The following MAP3K2 variants were observed in gnomAD, a reference collection of about 807,000 sequenced individuals.
MAP3K2 encodes the protein MAP/ERK kinase kinase 2.
A neutral mutation model predicts 80.3 loss-of-function variants in MAP3K2; 24 were observed. The ratio of observed to expected loss-of-function variants is 0.30; its 90% CI spans 0.22 to 0.42. The LOEUF (loss-of-function observed/expected upper bound fraction) is 0.42. Ranked by LOEUF, MAP3K2 falls within the 10% of genes least tolerant of loss-of-function variation. The pLI is 1.00. For missense variants in MAP3K2, 608 were observed against 750.1 expected (o/e 0.81, Z 2.21); for synonymous variants, 244 against 253.7 (o/e 0.96, Z 0.36).
chr2:127,317,082 TGA>T (rs1685922859), intron 14 of MAP3K2: 1 of 150,490 alleles, frequency 6.6e-6, no homozygotes, highest in Non-Finnish European at 1.5e-5. Flanking sequence ...TTCCAGATCC[TGA>T]GAGTGAAGAC....
chr2:127,376,041 A>T (rs1558991249), intron 1 of MAP3K2, among the ~76,000 whole-genome samples: 2 of 152,216 alleles, frequency 1.3e-5, no homozygotes, highest in Non-Finnish European at 2.9e-5. Context: ...TCCTATCAAC[A>T]AAACCTGATG....
intron 12 of MAP3K2, 21 bp from the exon 13 acceptor site, chr2:127,318,338 A>G (rs1685948671): frequency 2.6e-6 from 4 of 1,554,436 alleles, no homozygotes; most frequent in Non-Finnish European, 3.5e-6. Flanking sequence ...ACACTTTCTT[A>G]AAGTGAAATA....
At chr2:127,324,381 C>A in intron 9 of MAP3K2, 140 bp from the exon 10 acceptor site, 2 of 508,216 alleles carry the variant, frequency 3.9e-6, no homozygotes, top group Admixed American at 3.8e-5. Context: ...GGTTAGCATA[C>A]CTAAAAAAGA....
rs1380337103 is a variant in MAP3K2, at chr2:127,330,451, C to G, written c.319G>C (p.Asp107His). 17 of 1,610,190 alleles carry G rather than the reference C, an allele frequency of 1.1e-5. No homozygotes were observed. In the Admixed American group the frequency reaches 2.9e-4, roughly 27 times the overall value. ...DDLDKAVELL[D>H]RSIHMKSLKI... is the part of the protein sequence containing the mutation. ...AGGCTCTTCATATGAATACTACGAT[C>G]CAGCAGTTCCACAGCTTTGTCCAAG... is the stretch of plus-strand genomic sequence containing the variant. The change falls in exon 6 of 17, where the codon GAT (aspartate) becomes CAT (histidine). Residue 107 changes from aspartate to histidine, a missense_variant. Asp to His is a moderately conservative substitution (Grantham distance 81). Around this residue, in one of 4 missense-constraint regions of MAP3K2, gnomAD observed 467 missense variants for 521.9 expected, o/e 0.89. Transcript: ENST00000682094.
chr2:127,316,339 T>G (rs926678601), intron 14 of MAP3K2, among the ~76,000 whole-genome samples: 2 of 152,168 alleles, frequency 1.3e-5, no homozygotes, highest in African/African-American at 4.8e-5. Context: ...GTGCCATTGC[T>G]CAGCCTGGGC....
intron 1 of MAP3K2, among the ~76,000 whole-genome samples, chr2:127,352,740 T>TGATGCCGAGCC (rs1223865280): frequency 6.8e-6 from 1 of 146,698 alleles, no homozygotes; most frequent in African/African-American, 2.5e-5. Context: ...GGTCTCCCTC[T>TGATGCCGAGCC]GATGCCGAGC....
chr2:127,346,410 TAAAAAAAAAAAAA>T (rs70985447), intron 1 of MAP3K2, among the ~76,000 whole-genome samples: 2 of 96,348 alleles, frequency 2.1e-5, no homozygotes, highest in African/African-American at 8.3e-5. Flanking sequence ...AAACTGGTTT[TAAAAAAAAAAAAA>T]AAAAAAAAAG....
intron 1 of MAP3K2, among the ~76,000 whole-genome samples, chr2:127,351,494 A>G (rs1481994841): frequency 6.6e-6 from 1 of 152,160 alleles, no homozygotes; most frequent in African/African-American, 2.4e-5. Flanking sequence ...ATCAAGAAGC[A>G]TCTCTATTTT....
Position 127,343,177 on chromosome 2 carries a change from A to T in MAP3K2, c.-48T>A. The T allele has an allele frequency of 6.6e-7, 1 of 1,504,482 alleles. No homozygotes were observed. Among genetic ancestry groups the T allele is most frequent in the Non-Finnish European group, 9.1e-7 (1 of 1,104,194 alleles). The allele number at this position is 1,504,482 out of a possible 1,614,324, so 93.2% of individuals were successfully genotyped here. Reference sequence around the variant, plus strand: ...TGAAAATTAGGAAAATGGTTCTCCCATCAGCATTCTTTATGGCCTGAGAAG... The same window carrying T: ...TGAAAATTAGGAAAATGGTTCTCCCTTCAGCATTCTTTATGGCCTGAGAAG... On this transcript the variant is annotated 5_prime_UTR_variant, in exon 2 of 17. An upstream start codon of the reference 5' UTR is lost. Transcript: ENST00000682094.
chr2:127,380,955 C>G (rs1473051670), intron 1 of MAP3K2, among the ~76,000 whole-genome samples: 1 of 152,196 alleles, frequency 6.6e-6, no homozygotes, highest in African/African-American at 2.4e-5. Context: ...ATCAGAAATT[C>G]ATTCTTTATT....
intron 1 of MAP3K2, among the ~76,000 whole-genome samples, chr2:127,370,245 C>T (rs1234949181): frequency 6.6e-6 from 1 of 152,200 alleles, no homozygotes; most frequent in East Asian, 1.9e-4. Context: ...CAGCCGCTGA[C>T]TCTTTATACA....
At position 127,323,313 on chromosome 2, in the gene MAP3K2, G is replaced by A. The variant is rs187130061; in HGVS notation, c.838+589C>T. Among the ~76,000 whole-genome samples, 1,053 of 151,950 alleles carry A rather than the reference G, an allele frequency of 6.9e-3. 3 individuals carry two copies. The highest frequency in any genetic ancestry group is 0.014 in the Middle Eastern group (4 of 294). On this transcript the variant is annotated intron_variant, in intron 11 of 16. Transcript: ENST00000682094. Reference sequence around the variant, plus strand: ...GGAGGGTGCAGTGAGCAGAGATCATGCCACTGCACTCCAGCCTGGGTGACA... The same window carrying A: ...GGAGGGTGCAGTGAGCAGAGATCATACCACTGCACTCCAGCCTGGGTGACA...
In MAP3K2 at chr2:127,362,069, C is replaced by G. The variant is rs1306779808; in HGVS notation, c.-65-18875G>C. Among the ~76,000 whole-genome samples, 4 of 152,178 alleles carry G rather than the reference C, an allele frequency of 2.6e-5. No individual in the cohort carries two copies. In the East Asian group the frequency reaches 7.7e-4, roughly 29 times the overall value. On this transcript the variant is annotated intron_variant, in intron 1 of 16. Transcript: ENST00000682094. ...TCTCCTTTTTAAGGTATTACTCAGA[C>G]AATATATTTGTAATTTTTAACAGAT...
rs1574011129 is a variant in MAP3K2, at chr2:127,382,166, G to T, written c.-66+5286C>A. Among the ~76,000 whole-genome samples, 2 of 152,138 alleles carry T rather than the reference G, an allele frequency of 1.3e-5. 1 individual carries two copies. Among genetic ancestry groups the T allele is most frequent in the South Asian group, 4.1e-4 (2 of 4,826 alleles). On this transcript the variant is annotated intron_variant, in intron 1 of 16. Transcript: ENST00000682094. ...TCAGTACGAATGAGATGTAAATATG[G>T]ATATATATTAGAGTATATGAAAGAA...
intron 2 of MAP3K2, among the ~76,000 whole-genome samples, chr2:127,341,530 G>GCT (rs1686488837): frequency 1.1e-5 from 1 of 91,160 alleles, no homozygotes; most frequent in Non-Finnish European, 2.0e-5. Flanking sequence ...TTTTTTTGTT[G>GCT]TTTTTTTTTT....
In MAP3K2 at chr2:127,299,471, T is replaced by G. The variant is rs1685549104; in HGVS notation, c.*8108A>C. On this transcript the variant is annotated 3_prime_UTR_variant, in exon 17 of 17. Transcript: ENST00000682094. ...CTTTTGGGGTGGAATACAGGAAATA[T>G]TCAAAGACAACAGTAGGACAGGCCA... 1 of 152,160 alleles carries G rather than the reference T, an allele frequency of 6.6e-6. No individual in the cohort carries two copies. The highest frequency in any genetic ancestry group is 1.5e-5 in the Non-Finnish European group (1 of 68,000). 9.4% of individuals were successfully genotyped at this position (152,160 alleles called of 1,614,324 possible).
chr2:127,326,304 T>TCCGTCTC (rs1371471977), intron 8 of MAP3K2, among the ~76,000 whole-genome samples: 247 of 68,258 alleles, frequency 3.6e-3, no homozygotes, highest in East Asian at 0.016. Flanking sequence ...ATTTTAATAC[T>TCCGTCTC]ATAAAATTGA....
intron 1 of MAP3K2, among the ~76,000 whole-genome samples, chr2:127,371,924 C>T (rs947964293): frequency 1.3e-5 from 2 of 152,208 alleles, no homozygotes; most frequent in Admixed American, 6.5e-5. Context: ...GAGGGGCTGA[C>T]CCCAGGCCCT....
Position 127,329,970 on chromosome 2 carries a change from C to T in MAP3K2, c.417G>A (p.Leu139=). 1.2e-6 allele frequency: 2 copies of T among 1,609,776 alleles called. No individual in the cohort carries two copies. Among genetic ancestry groups the T allele is most frequent in the Non-Finnish European group, 8.5e-7 (1 of 1,176,776 alleles). Residue 139 remains leucine, a synonymous_variant, in exon 7 of 17, where the codon TTG becomes TTA. Transcript: ENST00000682094. Reference sequence around the variant, plus strand: ...TCTCTGCTCCAAATACTGTATTATCCAAATCTTCTAGTGATGGCAATGGTT... The same window carrying T: ...TCTCTGCTCCAAATACTGTATTATCTAAATCTTCTAGTGATGGCAATGGTT... ...NLEPLPSLED[L]DNTVFGAERK...
Sources: gnomAD v4.1 joint callset for allele counts (sites outside exome capture counted in the v4.1 genomes callset) on GRCh38, gnomAD v4.1.1 for gene constraint, gnomAD v4.1.1 regional missense constraint, MANE v1.5 for transcripts, NCBI Gene and HGNC (gene_info 2026-07-23, HGNC 2026-07-21) for gene names.